KCNH5: variants seen among roughly 807,000 people sequenced by gnomAD.
KCNH5 encodes potassium voltage-gated channel subfamily H member 5.
In KCNH5, 46 loss-of-function variants were observed where a neutral mutation model predicts 96.1. The observed-to-expected ratio is 0.48, with a 90% CI of 0.38 to 0.61. The LOEUF (loss-of-function observed/expected upper bound fraction) is 0.61, where lower values mean the gene tolerates loss of function less well. KCNH5 is among the 20% of genes least tolerant of loss of function. KCNH5 has a pLI of 0.00. For missense variants in KCNH5, 907 were observed against 1,225.8 expected (o/e 0.74, Z 3.88); for synonymous variants, 439 against 449.8 (o/e 0.98, Z 0.30).
intron 3 of KCNH5, among the ~76,000 whole-genome samples, chr14:63,004,748 G>A (rs1891094675): frequency 6.6e-6 from 1 of 152,112 alleles, no homozygotes; most frequent in South Asian, 2.1e-4. Flanking sequence ...GGGACTATAG[G>A]CATGTGCCTC....
In KCNH5 at chr14:62,704,942, TTGCTGAAAACATGCATTCC is replaced by T. The variant is rs900084754; in HGVS notation, c.*2547_*2565del. 7.9e-5 allele frequency: 12 copies of T among 152,130 alleles called. No homozygotes were observed. Among genetic ancestry groups the T allele is most frequent in the South Asian group, 2.1e-4 (1 of 4,826 alleles). The allele number at this position is 152,130 out of a possible 1,614,324, so 9.4% of individuals were successfully genotyped here. ...TAAAAGACTACTCTATATACAATGT[TTGCTGAAAACATGCATTCC>T]TGCTGAAAACAGCAGGGTGCATTCA... On this transcript the variant is annotated 3_prime_UTR_variant, in exon 11 of 11. Transcript: ENST00000322893.
intron 7 of KCNH5, among the ~76,000 whole-genome samples, chr14:62,894,232 C>A (rs1033431245): frequency 2.6e-5 from 4 of 152,132 alleles, no homozygotes; most frequent in Admixed American, 6.5e-5. Context: ...AGAATTGAAC[C>A]TATAATATCT....
At chr14:62,869,105 T>C (rs963271555) in intron 7 of KCNH5, among the ~76,000 whole-genome samples, 1 of 152,234 alleles carries the variant, frequency 6.6e-6, no homozygotes, top group African/African-American at 2.4e-5. Context: ...CCTTGAGGAA[T>C]CACCACACTG....
chr14:63,041,494 G>T (rs1415481379), intron 1 of KCNH5, among the ~76,000 whole-genome samples: 1 of 152,030 alleles, frequency 6.6e-6, no homozygotes, highest in East Asian at 1.9e-4. Flanking sequence ...GGCTTATTTT[G>T]ATCGTACTAG....
At chr14:62,745,940 C>T (rs190683134) in intron 10 of KCNH5, among the ~76,000 whole-genome samples, 8 of 152,266 alleles carry the variant, frequency 5.3e-5, no homozygotes, top group African/African-American at 1.9e-4. Flanking sequence ...ACCCTTCAAG[C>T]CCTACAGCTT....
intron 8 of KCNH5, among the ~76,000 whole-genome samples, chr14:62,820,732 A>T (rs1406499972): frequency 6.6e-6 from 1 of 151,942 alleles, no homozygotes; most frequent in Non-Finnish European, 1.5e-5. Context: ...TCTTTATTCA[A>T]TCTATCATTG....
chr14:62,744,769 G>A (rs370594354), intron 10 of KCNH5, among the ~76,000 whole-genome samples: 10 of 152,108 alleles, frequency 6.6e-5, no homozygotes, highest in African/African-American at 1.9e-4. Flanking sequence ...TCACCAAACC[G>A]ATCATTCAGA....
chr14:62,733,733 T>G (rs1204137759), intron 10 of KCNH5, among the ~76,000 whole-genome samples: 1 of 152,174 alleles, frequency 6.6e-6, no homozygotes, highest in Non-Finnish European at 1.5e-5. Flanking sequence ...ATCACCCCGC[T>G]GCATTTGACA....
At chr14:62,711,229 C>A (rs1025927173) in intron 10 of KCNH5, among the ~76,000 whole-genome samples, 9 of 151,292 alleles carry the variant, frequency 5.9e-5, no homozygotes, top group African/African-American at 2.2e-4. Context: ...CTGCCCCCCA[C>A]CCACCCCCAA....
At chr14:62,844,586 G>A (rs1887653085) in intron 8 of KCNH5, among the ~76,000 whole-genome samples, 1 of 151,926 alleles carries the variant, frequency 6.6e-6, no homozygotes, top group South Asian at 2.1e-4. Flanking sequence ...AAGCAGCAAA[G>A]CCCAGATGAT....
intron 7 of KCNH5, among the ~76,000 whole-genome samples, chr14:62,878,859 T>G (rs1888436553): frequency 6.6e-6 from 1 of 152,136 alleles, no homozygotes; most frequent in Non-Finnish European, 1.5e-5. Context: ...CTTCCCTCTG[T>G]GTATATCTGT....
chr14:62,953,140 A>G (rs999588352), intron 6 of KCNH5, among the ~76,000 whole-genome samples: 2 of 151,528 alleles, frequency 1.3e-5, no homozygotes, highest in African/African-American at 4.8e-5. Context: ...GTAAATATAC[A>G]TACTTGATAT....
At chr14:62,989,796 T>C (rs1418020191) in intron 4 of KCNH5, among the ~76,000 whole-genome samples, 1 of 152,128 alleles carries the variant, frequency 6.6e-6, no homozygotes, top group Non-Finnish European at 1.5e-5. Flanking sequence ...AAAAATCAGA[T>C]ATAAAATAAA....
chr14:62,753,959 G>T, intron 10 of KCNH5, among the ~76,000 whole-genome samples: 1 of 152,092 alleles, frequency 6.6e-6, no homozygotes, highest in East Asian at 1.9e-4. Context: ...TAATAACATT[G>T]CAATTGTGCT....
intron 6 of KCNH5, among the ~76,000 whole-genome samples, chr14:62,960,188 G>C (rs1890180132): frequency 6.6e-6 from 1 of 152,094 alleles, no homozygotes; most frequent in Admixed American, 6.6e-5. Context: ...CCTCAGCCTA[G>C]TTGGCTCTAT....
At chr14:62,813,242 T>C (rs1414443665) in intron 8 of KCNH5, among the ~76,000 whole-genome samples, 1 of 152,134 alleles carries the variant, frequency 6.6e-6, no homozygotes, top group Non-Finnish European at 1.5e-5. Context: ...GAAAGAGGGA[T>C]GGCAATTTCA....
rs148079587 is a variant in KCNH5 at position 62,868,256 on chromosome 14, G to A, written c.1370-18404C>T. Among the ~76,000 whole-genome samples, 23 of 152,288 alleles carry A rather than the reference G, an allele frequency of 1.5e-4. No individual in the cohort carries two copies. The East Asian group carries it at 4.4e-3, about 29-fold the overall frequency. ...CACCAGGAACTTGCCCAGTCCCAGT[G>A]TGATTCCTCTCCTGTGCCCTCAGGT... On this transcript the variant is annotated intron_variant, in intron 7 of 10. Transcript: ENST00000322893.
At chr14:62,872,933 G>A (rs1888286628) in intron 7 of KCNH5, among the ~76,000 whole-genome samples, 1 of 151,984 alleles carries the variant, frequency 6.6e-6, no homozygotes, top group Non-Finnish European at 1.5e-5. Flanking sequence ...GGTGGATCAC[G>A]AGGTCAGGAG....
intron 8 of KCNH5, among the ~76,000 whole-genome samples, chr14:62,813,240 G>A (rs12589217): frequency 0.6 from 91,391 of 151,922 alleles, 27,878 homozygotes; most frequent in South Asian, 0.83. Flanking sequence ...TTGAAAGAGG[G>A]ATGGCAATTT....
Sources: gnomAD v4.1 joint callset for allele counts (sites outside exome capture counted in the v4.1 genomes callset) on GRCh38, gnomAD v4.1.1 for gene constraint, MANE v1.5 for transcripts, NCBI Gene and HGNC (gene_info 2026-07-23, HGNC 2026-07-21) for gene names.